FAM184A: variants seen among roughly 807,000 people sequenced by gnomAD.
The protein encoded by FAM184A is protein FAM184A.
A neutral mutation model predicts 143.8 loss-of-function variants in FAM184A; 99 were observed. The ratio of observed to expected loss-of-function variants is 0.69; its 90% CI spans 0.58 to 0.81. FAM184A has a LOEUF of 0.81. FAM184A is among the 40% of genes least tolerant of loss of function. The probability of loss-of-function intolerance (pLI) is 0.00; values close to 1 mark genes in which losing one functional copy is unlikely to be tolerated. For synonymous variants in FAM184A, 427 were observed against 446.4 expected (o/e 0.96, Z 0.55); for missense variants, 1,217 against 1,310.5 (o/e 0.93, Z 1.10).
intron 1 of FAM184A, among the ~76,000 whole-genome samples, chr6:119,067,384 A>G (rs934324065): frequency 6.6e-6 from 1 of 152,240 alleles, no homozygotes; most frequent in African/African-American, 2.4e-5. Flanking sequence ...GGAGCTAAGA[A>G]AACAGCAGAT....
intron 1 of FAM184A, among the ~76,000 whole-genome samples, chr6:119,032,023 G>C (rs62421117): frequency 6.6e-6 from 1 of 152,278 alleles, no homozygotes; most frequent in South Asian, 2.1e-4. Flanking sequence ...TGTAATACCA[G>C]CACTTCGGGA....
rs776399273 is a variant in FAM184A, at chr6:119,024,514, G to T, written c.459C>A (p.Thr153=). 8 of 1,613,588 alleles carry T rather than the reference G, an allele frequency of 5.0e-6. No homozygotes were observed. In the East Asian group the frequency reaches 1.6e-4, roughly 31 times the overall value. ...AEAQHVQRIV[T]MSREVEEIRR... is the part of the protein sequence containing the mutation. Reference sequence around the variant, plus strand: ...TAATCTCTTCGACTTCTCTAGACATGGTCACTATGCGTTGGACATGCTGGG... The same window carrying T: ...TAATCTCTTCGACTTCTCTAGACATTGTCACTATGCGTTGGACATGCTGGG... Residue 153 remains threonine (T), a synonymous_variant, in exon 2 of 18, where the codon ACC becomes ACA. Coordinates refer to ENST00000338891, the MANE Select transcript of FAM184A (RefSeq NM_024581.6).
chr6:119,046,495 T>A (rs12190974), intron 1 of FAM184A, among the ~76,000 whole-genome samples: 6,463 of 152,012 alleles, frequency 0.043, 244 homozygotes, highest in East Asian at 0.2. Flanking sequence ...AAGGTATGCT[T>A]TAAAAAGTTA....
rs553895818 is a variant in FAM184A, at chr6:119,087,163, T to G, written c.-202+61915A>C. ...AGGCAGTAGCAGTTAAGGTTAAGAA[T>G]TAAAATTAGGATTGAGATGTGAGCT... On this transcript the variant is annotated intron_variant, in intron 1 of 16. Transcript: ENST00000352896. 3.3e-5 allele frequency among the ~76,000 whole-genome samples: 5 copies of G among 152,294 alleles called. No individual in the cohort carries two copies. The East Asian group carries it at 9.6e-4, about 29-fold the overall frequency.
At chr6:119,032,432 T>C (rs780268934) in intron 1 of FAM184A, among the ~76,000 whole-genome samples, 1 of 150,362 alleles carries the variant, frequency 6.7e-6, no homozygotes, top group Non-Finnish European at 1.5e-5. Flanking sequence ...ATTTTTTTAC[T>C]ATTAAATTCT....
intron 1 of FAM184A, among the ~76,000 whole-genome samples, chr6:119,120,430 T>G (rs1296392533): frequency 6.6e-6 from 1 of 152,218 alleles, no homozygotes; most frequent in Non-Finnish European, 1.5e-5. Context: ...ACCTTTGAGT[T>G]TTTTCTACTT....
chr6:119,046,327 G>A (rs1282924290), intron 1 of FAM184A, among the ~76,000 whole-genome samples: 3 of 150,980 alleles, frequency 2.0e-5, no homozygotes, highest in East Asian at 2.0e-4. Context: ...GGGTTCAAGC[G>A]ATCCTCCTGA....
chr6:119,023,848 A>T lies in FAM184A; in HGVS notation c.1014+111T>A, dbSNP rs1785538432. 8.6e-6 allele frequency: 6 copies of T among 701,048 alleles called. No homozygotes were observed. In the East Asian group the frequency reaches 1.2e-4, roughly 14 times the overall value. The allele number at this position is 701,048 out of a possible 1,614,324, so 43.4% of individuals were successfully genotyped here. ...AAAAAAAAAAAAAAAAAAAAGTCTA[A>T]GTGGTGTGAAGCCACTGATTCTAAG... On this transcript the variant is annotated intron_variant, in intron 2 of 17. Coordinates refer to ENST00000338891, the MANE Select transcript of FAM184A (RefSeq NM_024581.6).
chr6:119,062,719 C>T (rs1787306737), intron 1 of FAM184A, among the ~76,000 whole-genome samples: 1 of 152,148 alleles, frequency 6.6e-6, no homozygotes, highest in Admixed American at 6.5e-5. Flanking sequence ...ATGGTAAAAG[C>T]AGTTGCACTT....
intron 1 of FAM184A, among the ~76,000 whole-genome samples, chr6:119,089,837 C>CT (rs1788324429): frequency 6.6e-6 from 1 of 152,078 alleles, no homozygotes; most frequent in Admixed American, 6.6e-5. Context: ...TTGCTATGTG[C>CT]TTCTTTCTCT....
chr6:118,973,072 T>C (rs1783742936), intron 14 of FAM184A, among the ~76,000 whole-genome samples: 1 of 152,168 alleles, frequency 6.6e-6, no homozygotes, highest in African/African-American at 2.4e-5. Flanking sequence ...GTAAATATGA[T>C]GGAGAAAGAA....
At chr6:119,018,385 ATAAC>A (rs1174755989) in intron 4 of FAM184A, among the ~76,000 whole-genome samples, 1 of 152,250 alleles carries the variant, frequency 6.6e-6, no homozygotes, top group Non-Finnish European at 1.5e-5. Flanking sequence ...GCCTACATTC[ATAAC>A]TGTTTCTATT....
intron 14 of FAM184A, among the ~76,000 whole-genome samples, chr6:118,973,052 T>G (rs1468181388): frequency 1.3e-5 from 2 of 152,124 alleles, no homozygotes; most frequent in Non-Finnish European, 2.9e-5. Context: ...AAAGGCAACT[T>G]CAAAAAGTGG....
chr6:119,002,827 G>C, intron 9 of FAM184A, 72 bp downstream of exon 9: 1 of 1,350,332 alleles, frequency 7.4e-7, no homozygotes, highest in Non-Finnish European at 9.9e-7. Flanking sequence ...AATTAACAGA[G>C]TTTTACAATA....
intron 16 of FAM184A, 41 bp downstream of exon 16, chr6:118,964,626 T>G: frequency 8.5e-7 from 1 of 1,176,822 alleles, no homozygotes; most frequent in Non-Finnish European, 1.2e-6. Context: ...TTAACCAACT[T>G]TTAAACCACA....
chr6:119,076,551 AG>A (rs1255660723), intron 1 of FAM184A, among the ~76,000 whole-genome samples: 2 of 152,244 alleles, frequency 1.3e-5, no homozygotes, highest in East Asian at 3.8e-4. Flanking sequence ...TTAAGTAGAA[AG>A]AAAAAAAATG....
intron 1 of FAM184A, among the ~76,000 whole-genome samples, chr6:119,056,791 G>C (rs113806319): frequency 1.5e-4 from 23 of 152,242 alleles, no homozygotes; most frequent in African/African-American, 5.5e-4. Context: ...GAACCTCCCT[G>C]CCAAGGAACT....
chr6:119,105,884 T>C (rs1788764166), intron 1 of FAM184A, among the ~76,000 whole-genome samples: 1 of 152,182 alleles, frequency 6.6e-6, no homozygotes, highest in South Asian at 2.1e-4. Flanking sequence ...AGATGCATAG[T>C]TAGTTGGCAA....
intron 1 of FAM184A, among the ~76,000 whole-genome samples, chr6:119,094,826 G>T (rs1481339356): frequency 6.6e-6 from 1 of 152,062 alleles, no homozygotes; most frequent in Non-Finnish European, 1.5e-5. Flanking sequence ...TTGGGCTCAA[G>T]CCTTCCGAGG....
Sources: allele counts gnomAD v4.1 joint callset (sites outside exome capture counted in the v4.1 genomes callset), GRCh38; gene constraint gnomAD v4.1.1; transcripts MANE v1.5; gene names NCBI Gene and HGNC (gene_info 2026-07-23, HGNC 2026-07-21).